Variants in VPS54 observed in about 807,000 individuals in gnomAD.
VPS54 encodes VPS54 subunit of GARP complex.
VPS54 carries 45 observed loss-of-function variants against 121.5 expected under a neutral mutation model. That is an observed-to-expected ratio of 0.37 (90% confidence interval 0.29 to 0.47). VPS54 has a LOEUF of 0.47. Ranked by LOEUF, VPS54 falls within the 20% of genes least tolerant of loss-of-function variation. The pLI is 0.99. For missense variants in VPS54, 1,090 were observed against 1,131.4 expected (o/e 0.96, Z 0.52); for synonymous variants, 371 against 385.8 (o/e 0.96, Z 0.45).
At chr2:63,936,687 CAAG>C (rs1365542942) in intron 11 of VPS54, among the ~76,000 whole-genome samples, 3 of 151,980 alleles carry the variant, frequency 2.0e-5, no homozygotes, top group Non-Finnish European at 4.4e-5. Flanking sequence ...TAACAATAAA[CAAG>C]AATTTAATAA....
intron 1 of VPS54, among the ~76,000 whole-genome samples, chr2:63,991,670 T>G (rs1677326726): frequency 6.6e-6 from 1 of 152,162 alleles, no homozygotes; most frequent in African/African-American, 2.4e-5. Context: ...TACTTGCCAC[T>G]CTAAGTATGA....
intron 1 of VPS54, among the ~76,000 whole-genome samples, chr2:63,997,620 T>C (rs1442375410): frequency 2.6e-5 from 4 of 152,026 alleles, no homozygotes; most frequent in African/African-American, 9.7e-5. Flanking sequence ...GTTTTTGTTT[T>C]GTTTTGTTTT....
At chr2:64,001,046 C>T (rs2104674238) in intron 1 of VPS54, among the ~76,000 whole-genome samples, 1 of 152,288 alleles carries the variant, frequency 6.6e-6, no homozygotes, top group East Asian at 1.9e-4. Flanking sequence ...AGAAGTCTAC[C>T]TGGTGTTCTA....
chr2:63,928,191 A>C (rs1427370778), intron 12 of VPS54, among the ~76,000 whole-genome samples: 1 of 152,198 alleles, frequency 6.6e-6, no homozygotes, highest in Non-Finnish European at 1.5e-5. Context: ...TGAGAAGAAC[A>C]ACCCCAAGAC....
chr2:63,925,257 G>T (rs1424177784), intron 12 of VPS54, among the ~76,000 whole-genome samples: 2 of 152,130 alleles, frequency 1.3e-5, no homozygotes, highest in Non-Finnish European at 2.9e-5. Context: ...CATAGAAAAG[G>T]ACATCCCAGA....
intron 16 of VPS54, among the ~76,000 whole-genome samples, chr2:63,914,754 G>C (rs1423014912): frequency 2.6e-5 from 4 of 151,594 alleles, no homozygotes; most frequent in African/African-American, 9.7e-5. Flanking sequence ...ACCTAGTCCA[G>C]ATTTTCTTAG....
chr2:63,978,759 A>G (rs1010492790), intron 3 of VPS54, among the ~76,000 whole-genome samples: 3 of 152,042 alleles, frequency 2.0e-5, no homozygotes, highest in African/African-American at 7.2e-5. Context: ...AGCTGGGACT[A>G]CAGGCGCGCA....
At chr2:63,934,092 G>A (rs1298540059) in intron 11 of VPS54, 79 bp from the exon 12 acceptor site, 18 of 1,283,274 alleles carry the variant, frequency 1.4e-5, no homozygotes, top group Admixed American at 2.6e-5. Flanking sequence ...TTCTGTGCAT[G>A]TAATTTTGGA....
intron 3 of VPS54, among the ~76,000 whole-genome samples, chr2:63,978,544 T>C (rs145095167): frequency 9.5e-4 from 144 of 152,330 alleles, no homozygotes; most frequent in African/African-American, 3.1e-3. Context: ...GCCATGTGGA[T>C]CTGAGCTTTC....
chr2:63,931,474 C>T (rs537517670), intron 12 of VPS54, among the ~76,000 whole-genome samples: 1 of 152,176 alleles, frequency 6.6e-6, no homozygotes, highest in South Asian at 2.1e-4. Flanking sequence ...GAAACTGGAC[C>T]CCTTCCTTAC....
chr2:63,896,492 T>A (rs1420084954), intron 22 of VPS54, among the ~76,000 whole-genome samples: 1 of 152,166 alleles, frequency 6.6e-6, no homozygotes, highest in East Asian at 1.9e-4. Flanking sequence ...AACAAATAAT[T>A]CTTTAAAAAG....
intron 1 of VPS54, among the ~76,000 whole-genome samples, chr2:63,988,833 G>A (rs1677178990): frequency 6.6e-6 from 1 of 152,186 alleles, no homozygotes; most frequent in Non-Finnish European, 1.5e-5. Flanking sequence ...TAACAGCGAT[G>A]TTCAGGGAAC....
chr2:64,016,107 G>T (rs561943294), intron 1 of VPS54, among the ~76,000 whole-genome samples: 2 of 152,160 alleles, frequency 1.3e-5, no homozygotes, highest in Non-Finnish European at 2.9e-5. Flanking sequence ...AACTAATAGC[G>T]AGGTAAGCAG....
chr2:63,942,477 T>C lies in VPS54; in HGVS notation c.1386A>G (p.Leu462=), dbSNP rs1285872953. 2 of 1,590,034 alleles carry C rather than the reference T, an allele frequency of 1.3e-6. No individual in the cohort carries two copies. The highest frequency in any genetic ancestry group is 8.6e-7 in the Non-Finnish European group (1 of 1,166,928). Residue 462 remains leucine, a synonymous_variant, in exon 11 of 23, where the codon CTA becomes CTG. Transcript: ENST00000272322. ...TTTATAAGCTTACCTTCACTCTCTG[T>C]AGGAAAATTGTAAACTTAGAGAAAA... ...KDIFSKFTIF[L]QRVKATLNII...
At chr2:63,896,809 T>A (rs1433267144) in intron 22 of VPS54, among the ~76,000 whole-genome samples, 1 of 152,176 alleles carries the variant, frequency 6.6e-6, no homozygotes, top group African/African-American at 2.4e-5. Flanking sequence ...TTAAATTTTA[T>A]AAAATCTCTT....
intron 12 of VPS54, among the ~76,000 whole-genome samples, chr2:63,923,512 C>T (rs1289877887): frequency 6.6e-6 from 1 of 152,050 alleles, no homozygotes; most frequent in Non-Finnish European, 1.5e-5. Flanking sequence ...GACGTGGAAG[C>T]AACCCAAGTG....
intron 11 of VPS54, among the ~76,000 whole-genome samples, chr2:63,941,528 G>C (rs1360080009): frequency 6.6e-6 from 1 of 152,168 alleles, no homozygotes; most frequent in African/African-American, 2.4e-5. Flanking sequence ...TGCCCAGCCT[G>C]TATTCTTCTT....
intron 17 of VPS54, among the ~76,000 whole-genome samples, chr2:63,913,633 A>G (rs1471930298): frequency 6.6e-6 from 1 of 152,238 alleles, no homozygotes; most frequent in African/African-American, 2.4e-5. Context: ...AGTTATAAAA[A>G]TCTGTCTTGG....
chr2:63,989,923 G>T (rs1169031906), intron 1 of VPS54, among the ~76,000 whole-genome samples: 1 of 152,212 alleles, frequency 6.6e-6, no homozygotes, highest in Non-Finnish European at 1.5e-5. Flanking sequence ...CTCTATTCAA[G>T]GCGGTGGAAA....
Sources: gnomAD v4.1 joint callset for allele counts (sites outside exome capture counted in the v4.1 genomes callset) on GRCh38, gnomAD v4.1.1 for gene constraint, MANE v1.5 for transcripts, NCBI Gene and HGNC (gene_info 2026-07-23, HGNC 2026-07-21) for gene names.